The following TYMS variants were observed in gnomAD, a reference collection of about 807,000 sequenced individuals.
TYMS encodes thymidylate synthase.
Under a neutral mutation model 39.3 loss-of-function variants are expected in TYMS, and 21 were observed. The ratio of observed to expected loss-of-function variants is 0.54; its 90% CI spans 0.38 to 0.77. The LOEUF (loss-of-function observed/expected upper bound fraction) is 0.77. Among genes scored for constraint, TYMS ranks in the 30% least tolerant of loss-of-function variants. The probability of loss-of-function intolerance (pLI) is 0.00; values close to 1 mark genes in which losing one functional copy is unlikely to be tolerated. For synonymous variants in TYMS, 171 were observed against 162.2 expected (o/e 1.05, Z -0.41); for missense variants, 273 against 406.7 (o/e 0.67, Z 2.83).
chr18:666,600 C>T (rs1481600337), intron 3 of TYMS, among the ~76,000 whole-genome samples: 1 of 152,144 alleles, frequency 6.6e-6, no homozygotes, highest in Admixed American at 6.5e-5. Flanking sequence ...GCAGGTGTCT[C>T]ATCTAAGGGG....
At position 669,186 on chromosome 18, in the gene TYMS, CCGT is replaced by C. The variant is rs747160577; in HGVS notation, c.556+18_556+20del. The C allele has an allele frequency of 6.2e-7, 1 of 1,608,720 alleles. No individual in the cohort carries two copies. Among genetic ancestry groups the C allele is most frequent in the South Asian group, 1.1e-5 (1 of 90,924 alleles). On this transcript the variant is annotated intron_variant, in intron 4 of 6. Transcript: ENST00000323274. ...TGGAATCCAAGAGGTTGAAAGAACCCCGTCGTCTTCATTTATACTAACCATACT... is the reference window on the plus strand; with the variant it reads ...TGGAATCCAAGAGGTTGAAAGAACCCCGTCTTCATTTATACTAACCATACT...
chr18:670,990 T>A (rs765216475), intron 5 of TYMS, 123 bp downstream of exon 5: 570 of 1,239,856 alleles, frequency 4.6e-4, no homozygotes, highest in Non-Finnish European at 6.0e-4. Context: ...TATGTGTAAG[T>A]AAGAAATGAA....
intron 3 of TYMS, among the ~76,000 whole-genome samples, chr18:668,713 G>A (rs556621535): frequency 5.8e-4 from 88 of 152,322 alleles, no homozygotes; most frequent in African/African-American, 2.1e-3. Context: ...AATCGCTGAT[G>A]GGTTTAGAGC....
chr18:667,799 C>T (rs887430302), intron 3 of TYMS: 2 of 152,024 alleles, frequency 1.3e-5, no homozygotes, highest in African/African-American at 2.4e-5. Context: ...GTAGGGTGTC[C>T]GTAGGATGTG....
In TYMS at chr18:666,352, C is replaced by T. The variant is rs955779744; in HGVS notation, c.455-2720C>T. Among the ~76,000 whole-genome samples, 4 of 151,982 alleles carry T rather than the reference C, an allele frequency of 2.6e-5. 1 individual carries two copies. The highest frequency in any genetic ancestry group is 9.7e-5 in the African/African-American group (4 of 41,352). On this transcript the variant is annotated intron_variant, in intron 3 of 6. Transcript: ENST00000323274. ...CTGAGCCACAGCGTGCTGTAGGTGG[C>T]GCTGCTGTGAAGCGCAGTGCCAGGG...
intron 4 of TYMS, chr18:670,445 G>C: frequency 2.0e-6 from 1 of 502,022 alleles, no homozygotes; most frequent in Non-Finnish European, 3.6e-6. Context: ...GATCCCTTCA[G>C]CTCTGATGGA....
chr18:667,125 T>A (rs796223758), intron 3 of TYMS, among the ~76,000 whole-genome samples: 30 of 73,552 alleles, frequency 4.1e-4, no homozygotes, highest in Middle Eastern at 7.4e-3. Context: ...ATGGTGATGG[T>A]GATGGAGATG....
intron 2 of TYMS, 127 bp from the exon 3 acceptor site, chr18:662,019 G>A: frequency 1.0e-6 from 1 of 978,210 alleles, no homozygotes. Flanking sequence ...TATGGGTGGT[G>A]TCAAGTGCCC....
rs1304639603 is a variant in TYMS at position 658,415 on chromosome 18, G to C, written c.205+468G>C. 1 of 1,157,838 alleles carries C rather than the reference G, an allele frequency of 8.6e-7. No individual in the cohort carries two copies. Among genetic ancestry groups the C allele is most frequent in the Non-Finnish European group, 1.1e-6 (1 of 890,646 alleles). The allele number at this position is 1,157,838 out of a possible 1,614,324, so 71.7% of individuals were successfully genotyped here. On this transcript the variant is annotated intron_variant, in intron 1 of 6. Transcript: ENST00000323274. The surrounding 1 kb of genome is among the most constrained non-coding windows in gnomAD (Gnocchi z 4.5). ...CGAAAGTGATGTGGGCGGGGCAAAG[G>C]CGGCGGGAAGAGGAGAGCACTGAAG...
chr18:668,987 G>C, intron 3 of TYMS, 85 bp from the exon 4 acceptor site: 1 of 1,134,818 alleles, frequency 8.8e-7, no homozygotes, highest in South Asian at 1.4e-5. Flanking sequence ...CTGGGTAAGA[G>C]ACTGTAATAG....
At chr18:659,107 T>C (rs1018392868) in intron 1 of TYMS, among the ~76,000 whole-genome samples, 4 of 152,138 alleles carry the variant, frequency 2.6e-5, no homozygotes, top group Non-Finnish European at 5.9e-5. Flanking sequence ...ATGGAGAAAA[T>C]AATGCTTAGT....
chr18:657,801 G>T lies in TYMS; in HGVS notation c.59G>T (p.Arg20Leu). 1.4e-6 allele frequency: 2 copies of T among 1,463,368 alleles called. No homozygotes were observed. Among genetic ancestry groups the T allele is most frequent in the Non-Finnish European group, 1.8e-6 (2 of 1,114,042 alleles). The allele number at this position is 1,463,368 out of a possible 1,614,324, so 90.6% of individuals were successfully genotyped here. ...CCCTTGCCCCCCGCCGCACAGGAGC[G>T]GGACGCCGAGCCGCGTCCGCCGCAC... The part of the protein sequence containing the change: ...RRPLPPAAQE[R>L]DAEPRPPHGE... Residue 20 changes from arginine (R) to leucine (L), a missense_variant, in exon 1 of 7, where the codon CGG becomes CTG. By Grantham distance (102) the Arg-to-Leu change is moderately radical. This residue lies in a region of TYMS where 228 missense variants were observed against 326.1 expected (regional missense o/e 0.70). Coordinates refer to ENST00000323274, the MANE Select transcript of TYMS (RefSeq NM_001071.4).
At chr18:672,595 G>A (rs571484137) in intron 6 of TYMS, 2 of 290,292 alleles carry the variant, frequency 6.9e-6, no homozygotes, top group Admixed American at 4.5e-5. Flanking sequence ...GCCAAGAGTG[G>A]TTATAAGAAC....
At position 658,377 on chromosome 18, in the gene TYMS, T is replaced by C. The variant is rs1567985875; in HGVS notation, c.205+430T>C. On this transcript the variant is annotated intron_variant, in intron 1 of 6. Transcript: ENST00000323274. This position sits in a 1 kb window ranked among gnomAD's most constrained non-coding sequence, Gnocchi z 4.5. Reference sequence around the variant, plus strand: ...TGGACCATTCCGCTTCGCAGCGTTTTCAAAAACTGGAGCGAAAGTGATGTG... The same window carrying C: ...TGGACCATTCCGCTTCGCAGCGTTTCCAAAAACTGGAGCGAAAGTGATGTG... The C allele has an allele frequency of 7.9e-7, 1 of 1,272,976 alleles. No homozygotes were observed. The highest frequency in any genetic ancestry group is 5.5e-5 in the East Asian group (1 of 18,200). 78.9% of individuals were successfully genotyped at this position (1,272,976 alleles called of 1,614,324 possible). A position where few individuals can be genotyped will look rare whatever the true frequency, so the allele number is the denominator to read the frequency against.
In TYMS at chr18:658,128, G is replaced by C; in HGVS notation, c.205+181G>C. 6.3e-7 allele frequency: 1 copy of C among 1,587,678 alleles called. No individual in the cohort carries two copies. The highest frequency in any genetic ancestry group is 1.1e-5 in the South Asian group (1 of 87,602). ...CGAAACGGAGGGTCCCATTAGGGAC[G>C]TGACTGGCGCGGGCAACACACACAG... On this transcript the variant is annotated intron_variant, in intron 1 of 6. Transcript: ENST00000323274. This position sits in a 1 kb window ranked among gnomAD's most constrained non-coding sequence, Gnocchi z 4.5.
intron 5 of TYMS, 157 bp from the exon 6 acceptor site, chr18:671,223 C>T: frequency 1.5e-6 from 1 of 648,150 alleles, no homozygotes; most frequent in Non-Finnish European, 2.7e-6. Context: ...GCCTGGGCAA[C>T]ATAACAAGAT....
In TYMS at chr18:658,333, C is replaced by T. The variant is rs376122364; in HGVS notation, c.205+386C>T. The T allele has an allele frequency of 7.4e-7, 1 of 1,348,710 alleles. No individual in the cohort carries two copies. Among genetic ancestry groups the T allele is most frequent in the African/African-American group, 1.5e-5 (1 of 67,360 alleles). 83.5% of individuals were successfully genotyped at this position (1,348,710 alleles called of 1,614,324 possible). A position where few individuals can be genotyped will look rare whatever the true frequency, so the allele number is the denominator to read the frequency against. ...CGGTCTCAAAGTCCTGGCTTTGGCC[C>T]CTCCTCCGTTTTCCCCTGTGGACCA... On this transcript the variant is annotated intron_variant, in intron 1 of 6. Coordinates refer to ENST00000323274, the MANE Select transcript of TYMS (RefSeq NM_001071.4). This position sits in a 1 kb window ranked among gnomAD's most constrained non-coding sequence, Gnocchi z 4.5.
At chr18:668,144 T>C (rs569450952) in intron 3 of TYMS, among the ~76,000 whole-genome samples, 1 of 152,164 alleles carries the variant, frequency 6.6e-6, no homozygotes, top group Non-Finnish European at 1.5e-5. Context: ...CGTGCACTTG[T>C]GTATGTGTGT....
In TYMS at chr18:669,840, T is replaced by C. The variant is rs77404636; in HGVS notation, c.556+667T>C. On this transcript the variant is annotated intron_variant, in intron 4 of 6. Transcript: ENST00000323274. ...AGCCAGGTGTGGTGGCTCACACCTGTAATTCCAACAACTCCAGAGGCCAAG... is the reference window on the plus strand; with the variant it reads ...AGCCAGGTGTGGTGGCTCACACCTGCAATTCCAACAACTCCAGAGGCCAAG... Among the ~76,000 whole-genome samples the C allele has an allele frequency of 0.017, 2,459 of 148,314 alleles. 162 individuals are homozygous for C. The East Asian group carries it at 0.24, about 15-fold the overall frequency.
Sources: gnomAD v4.1 joint callset for allele counts (sites outside exome capture counted in the v4.1 genomes callset) on GRCh38, gnomAD v4.1.1 for gene constraint, gnomAD v4.1.1 regional missense constraint, Gnocchi (gnomAD v3.1) non-coding constraint, MANE v1.5 for transcripts, NCBI Gene and HGNC (gene_info 2026-07-23, HGNC 2026-07-21) for gene names.